REEP3: variants seen among roughly 807,000 people sequenced by gnomAD.
REEP3 encodes the protein receptor accessory protein 3.
Under a neutral mutation model 41.3 loss-of-function variants are expected in REEP3, and 20 were observed. That is an observed-to-expected ratio of 0.48 (90% CI 0.34 to 0.70). The LOEUF (loss-of-function observed/expected upper bound fraction) is 0.70. Ranked by LOEUF, REEP3 falls within the 30% of genes least tolerant of loss-of-function variation. The pLI is 0.01. For missense variants in REEP3, 271 were observed against 308.8 expected, an observed-to-expected ratio of 0.88 and a Z score of 0.92; for synonymous variants, 104 against 101.8, an observed-to-expected ratio of 1.02 and a Z score of -0.13.
At chr10:63,600,456 T>C (rs1310916635) in intron 5 of REEP3, among the ~76,000 whole-genome samples, 2 of 152,188 alleles carry the variant, frequency 1.3e-5, no homozygotes, top group East Asian at 3.8e-4. Context: ...TTCTTGTTAT[T>C]TGGCTTTTAA....
chr10:63,584,331 C>T (rs1439494044), intron 2 of REEP3, among the ~76,000 whole-genome samples: 2 of 151,432 alleles, frequency 1.3e-5, no homozygotes, highest in African/African-American at 4.9e-5. Context: ...CAGTTAAAAC[C>T]TGCTTAGATG....
chr10:63,559,343 C>A (rs1419822495), intron 1 of REEP3, among the ~76,000 whole-genome samples: 1 of 152,110 alleles, frequency 6.6e-6, no homozygotes, highest in Non-Finnish European at 1.5e-5. Flanking sequence ...CTTAGAAATA[C>A]AATTCATTTT....
chr10:63,527,087 G>A (rs936215682), intron 1 of REEP3, among the ~76,000 whole-genome samples: 3 of 151,444 alleles, frequency 2.0e-5, no homozygotes, highest in Non-Finnish European at 4.4e-5. Flanking sequence ...TTAATTGTCT[G>A]GCAGTACTCT....
At chr10:63,543,943 C>A (rs1035966531) in intron 1 of REEP3, among the ~76,000 whole-genome samples, 1 of 152,186 alleles carries the variant, frequency 6.6e-6, no homozygotes, top group Non-Finnish European at 1.5e-5. Context: ...AGCAAACAGA[C>A]ACAGAAAGGT....
At chr10:63,577,351 G>A (rs755924262) in intron 2 of REEP3, among the ~76,000 whole-genome samples, 2 of 152,156 alleles carry the variant, frequency 1.3e-5, no homozygotes, top group Non-Finnish European at 2.9e-5. Context: ...CAGGCTTCTG[G>A]AATGAGAAGG....
chr10:63,620,144 G>A (rs1295063226), intron 7 of REEP3, among the ~76,000 whole-genome samples: 4 of 151,728 alleles, frequency 2.6e-5, no homozygotes. Context: ...TGTTGCCCAG[G>A]CTGGTCTTGA....
At chr10:63,536,402 A>T (rs922202083) in intron 1 of REEP3, among the ~76,000 whole-genome samples, 1 of 152,224 alleles carries the variant, frequency 6.6e-6, no homozygotes, top group Non-Finnish European at 1.5e-5. Context: ...ATTCCTGATA[A>T]TAATTTTATC....
chr10:63,542,958 C>G (rs899629204), intron 1 of REEP3, among the ~76,000 whole-genome samples: 2 of 152,158 alleles, frequency 1.3e-5, no homozygotes, highest in African/African-American at 2.4e-5. Flanking sequence ...CTGCAGTTCT[C>G]TCCTCTAGCT....
chr10:63,609,181 G>A (rs553822269), intron 5 of REEP3, among the ~76,000 whole-genome samples: 2 of 143,012 alleles, frequency 1.4e-5, no homozygotes, highest in African/African-American at 2.6e-5. Context: ...GGCCGGGCAC[G>A]GTGGCTCACG....
chr10:63,562,548 C>T, intron 1 of REEP3: 1 of 456,484 alleles, frequency 2.2e-6, no homozygotes, highest in African/African-American at 2.0e-5. Context: ...TGAGCCACTG[C>T]TCCTAGCCTT....
intron 1 of REEP3, among the ~76,000 whole-genome samples, chr10:63,529,263 C>T (rs1955396044): frequency 6.6e-6 from 1 of 152,164 alleles, no homozygotes; most frequent in South Asian, 2.1e-4. Context: ...TTTCCAGACA[C>T]ACTTATTCCA....
intron 1 of REEP3, among the ~76,000 whole-genome samples, chr10:63,551,520 G>A (rs896057707): frequency 6.6e-6 from 1 of 152,076 alleles, no homozygotes; most frequent in Admixed American, 6.5e-5. Flanking sequence ...TCTGGGGAGG[G>A]GCGCCAGTAA....
chr10:63,543,993 T>C (rs996210635), intron 1 of REEP3, among the ~76,000 whole-genome samples: 12 of 152,218 alleles, frequency 7.9e-5, no homozygotes. Context: ...TTCAAGTATG[T>C]ACAAAATGTT....
At chr10:63,591,871 A>G (rs2133401149) in intron 2 of REEP3, among the ~76,000 whole-genome samples, 1 of 152,344 alleles carries the variant, frequency 6.6e-6, no homozygotes, top group East Asian at 1.9e-4. Flanking sequence ...ACTCAACCCT[A>G]TTAACAAGTA....
intron 1 of REEP3, among the ~76,000 whole-genome samples, chr10:63,523,442 G>A (rs1379324730): frequency 1.3e-5 from 2 of 152,134 alleles, no homozygotes; most frequent in Admixed American, 6.5e-5. Context: ...AGACCAGCCT[G>A]GGCAACATAG....
chr10:63,521,698 G>C (rs1468551523), intron 1 of REEP3, 121 bp downstream of exon 1: 4 of 633,216 alleles, frequency 6.3e-6, no homozygotes, highest in Middle Eastern at 4.9e-4. Flanking sequence ...GCCCGGCCTC[G>C]GGCCTGCCGA....
At position 63,610,279 on chromosome 10, in the gene REEP3, C is replaced by A; in HGVS notation, c.510C>A (p.Tyr170Ter). The change falls in exon 6 of 8, where the codon TAC (tyrosine) becomes TAA (stop). Residue 170 changes from tyrosine to a stop codon, truncating the protein, a stop_gained. Coordinates refer to ENST00000373758, the MANE Select transcript of REEP3 (RefSeq NM_001001330.3). LOFTEE classifies it high-confidence loss of function. ...ATGAGCCTGTGGGACAAAGACCATACCAACCTCTACCAGAAGCAAAAAAGA... is the reference window on the plus strand; with the variant it reads ...ATGAGCCTGTGGGACAAAGACCATAACAACCTCTACCAGAAGCAAAAAAGA... ...QGDEPVGQRP[Y>*]QPLPEAKKKS... 6.3e-7 allele frequency: 1 copy of A among 1,581,758 alleles called. No individual in the cohort carries two copies. The highest frequency in any genetic ancestry group is 2.3e-5 in the East Asian group (1 of 44,066).
intron 1 of REEP3, among the ~76,000 whole-genome samples, chr10:63,533,266 C>A (rs955104052): frequency 3.9e-5 from 6 of 152,148 alleles, no homozygotes; most frequent in Admixed American, 2.0e-4. Context: ...CTTGGAGAGG[C>A]CCACAGGAAC....
chr10:63,530,597 A>C (rs996081998), intron 1 of REEP3, among the ~76,000 whole-genome samples: 1 of 152,212 alleles, frequency 6.6e-6, no homozygotes, highest in African/African-American at 2.4e-5. Context: ...ATGGGCTAGA[A>C]CTTCCAACAA....
Sources: allele counts gnomAD v4.1 joint callset (sites outside exome capture counted in the v4.1 genomes callset), GRCh38; gene constraint gnomAD v4.1.1; transcripts MANE v1.5; gene names NCBI Gene and HGNC (gene_info 2026-07-23, HGNC 2026-07-21).